Variants in GRM8 observed in about 807,000 individuals in gnomAD.
The protein encoded by GRM8 is glutamate metabotropic receptor 8, also known as metabotropic glutamate receptor 8.
Under a neutral mutation model 87.2 loss-of-function variants are expected in GRM8, and 47 were observed. The observed-to-expected ratio is 0.54, with a 90% CI of 0.43 to 0.69. The LOEUF is 0.69. Among genes scored for constraint, GRM8 ranks in the 30% least tolerant of loss-of-function variants. The pLI, the probability that GRM8 is intolerant of heterozygous loss-of-function variation, is 0.00. For synonymous variants in GRM8, 396 were observed against 404.5 expected, an observed-to-expected ratio of 0.98 and a Z score of 0.25; for missense variants, 1,019 against 1,139.2, an observed-to-expected ratio of 0.89 and a Z score of 1.52.
intron 9 of GRM8, among the ~76,000 whole-genome samples, chr7:126,514,885 G>C (rs995940220): frequency 1.3e-5 from 2 of 151,796 alleles, no homozygotes; most frequent in African/African-American, 2.4e-5. Flanking sequence ...TGTTTGATAG[G>C]AATTTATTTC....
At chr7:126,762,839 C>G (rs974897165) in intron 7 of GRM8, among the ~76,000 whole-genome samples, 2 of 151,090 alleles carry the variant, frequency 1.3e-5, no homozygotes, top group African/African-American at 4.9e-5. Flanking sequence ...TTGATATGTA[C>G]CAAGCAAATG....
chr7:126,515,088 C>A (rs1562906139), intron 9 of GRM8, among the ~76,000 whole-genome samples: 2 of 151,940 alleles, frequency 1.3e-5, no homozygotes, highest in Non-Finnish European at 2.9e-5. Flanking sequence ...GTAAAATATA[C>A]AACTTTCATT....
chr7:126,702,460 C>T (rs976498690), intron 7 of GRM8, among the ~76,000 whole-genome samples: 6 of 152,144 alleles, frequency 3.9e-5, no homozygotes, highest in Non-Finnish European at 7.4e-5. Context: ...TATACTCATG[C>T]GAAGCACTGA....
intron 3 of GRM8, among the ~76,000 whole-genome samples, chr7:127,003,078 T>C (rs1412845985): frequency 1.3e-5 from 2 of 151,672 alleles, no homozygotes; most frequent in African/African-American, 4.8e-5. Flanking sequence ...CTTAACTTTT[T>C]AGTCCTCCAG....
At chr7:127,053,623 C>A (rs17861399) in intron 3 of GRM8, among the ~76,000 whole-genome samples, 11,726 of 151,804 alleles carry the variant, frequency 0.077, 478 homozygotes, top group South Asian at 0.13. Flanking sequence ...CCCCGTCTCT[C>A]CTAAAAATAC....
chr7:127,161,882 T>C (rs1352600031), intron 2 of GRM8, among the ~76,000 whole-genome samples: 9 of 152,170 alleles, frequency 5.9e-5, no homozygotes, highest in Admixed American at 5.9e-4. Flanking sequence ...GGATCACTGA[T>C]TATACGATGT....
intron 6 of GRM8, among the ~76,000 whole-genome samples, chr7:126,779,684 C>T (rs1053012938): frequency 2.0e-5 from 3 of 152,072 alleles, no homozygotes; most frequent in Non-Finnish European, 2.9e-5. Flanking sequence ...GTTAATTCTT[C>T]AATATTTTAT....
chr7:126,532,494 CA>C (rs1227253966), intron 9 of GRM8, among the ~76,000 whole-genome samples: 1 of 151,896 alleles, frequency 6.6e-6, no homozygotes, highest in Non-Finnish European at 1.5e-5. Flanking sequence ...TACTTTAGAA[CA>C]AAAAAGAAGG....
intron 10 of GRM8, among the ~76,000 whole-genome samples, chr7:126,444,523 C>T (rs184447405): frequency 2.0e-5 from 3 of 152,082 alleles, no homozygotes; most frequent in Admixed American, 6.6e-5. Context: ...ATTGGTGACC[C>T]GAAGATAATC....
chr7:126,531,506 C>T (rs916227214), intron 9 of GRM8, among the ~76,000 whole-genome samples: 1 of 152,136 alleles, frequency 6.6e-6, no homozygotes, highest in Non-Finnish European at 1.5e-5. Flanking sequence ...GAACACCTCC[C>T]ACAGTCTCAG....
intron 6 of GRM8, among the ~76,000 whole-genome samples, chr7:126,799,458 C>T (rs2151701700): frequency 6.6e-6 from 1 of 152,236 alleles, no homozygotes; most frequent in East Asian, 1.9e-4. Context: ...ATTTAAAATA[C>T]ACTAACAATA....
chr7:126,483,134 A>T (rs1806906979), intron 9 of GRM8, among the ~76,000 whole-genome samples: 1 of 148,048 alleles, frequency 6.8e-6, no homozygotes, highest in Non-Finnish European at 1.5e-5. Context: ...TATAATATAT[A>T]TAATTATAAA....
intron 3 of GRM8, among the ~76,000 whole-genome samples, chr7:126,920,412 C>T (rs774381984): frequency 6.6e-6 from 1 of 152,128 alleles, no homozygotes; most frequent in Non-Finnish European, 1.5e-5. Flanking sequence ...AGAAATGTCA[C>T]CAATGTTTTG....
chr7:126,954,454 T>C (rs960427044), intron 3 of GRM8, among the ~76,000 whole-genome samples: 1 of 152,162 alleles, frequency 6.6e-6, no homozygotes, highest in African/African-American at 2.4e-5. Flanking sequence ...ATATAGGGTG[T>C]CCATGTCCCA....
intron 3 of GRM8, among the ~76,000 whole-genome samples, chr7:126,909,460 T>C (rs1015270692): frequency 2.0e-5 from 3 of 152,070 alleles, no homozygotes; most frequent in African/African-American, 4.8e-5. Context: ...CTTCCATGTC[T>C]CAGTCTGAAA....
At chr7:127,202,023 A>G (rs1359610774) in intron 2 of GRM8, among the ~76,000 whole-genome samples, 1 of 152,208 alleles carries the variant, frequency 6.6e-6, no homozygotes, top group Non-Finnish European at 1.5e-5. Context: ...AGAGAAGCCA[A>G]AATTCACTGC....
intron 7 of GRM8, among the ~76,000 whole-genome samples, chr7:126,630,859 A>T (rs10240522): frequency 1.3e-5 from 2 of 152,128 alleles, no homozygotes; most frequent in African/African-American, 2.4e-5. Flanking sequence ...TCAATAAACT[A>T]GGTATTGAAG....
chr7:126,748,653 C>G (rs2896376), intron 7 of GRM8, among the ~76,000 whole-genome samples: 64,268 of 133,142 alleles, frequency 0.48, 14,860 homozygotes, highest in Non-Finnish European at 0.5. Flanking sequence ...TTATAAAATT[C>G]ATACATAGAT....
At chr7:126,449,111 C>A (rs1422124116) in intron 9 of GRM8, among the ~76,000 whole-genome samples, 1 of 151,754 alleles carries the variant, frequency 6.6e-6, no homozygotes, top group Non-Finnish European at 1.5e-5. Flanking sequence ...TGTTACAGGG[C>A]CATGGAAGGA....
Sources: gnomAD v4.1 joint callset for allele counts (sites outside exome capture counted in the v4.1 genomes callset) on GRCh38, gnomAD v4.1.1 for gene constraint, MANE v1.5 for transcripts, NCBI Gene and HGNC (gene_info 2026-07-23, HGNC 2026-07-21) for gene names.